Variants in PICALM observed in about 807,000 individuals in gnomAD.
PICALM encodes phosphatidylinositol-binding clathrin assembly protein.
PICALM carries 40 observed loss-of-function variants against 80.5 expected under a neutral mutation model. The observed-to-expected ratio is 0.50, with a 90% CI of 0.39 to 0.65. The LOEUF is 0.65. PICALM is among the 30% of genes least tolerant of loss of function. The pLI, the probability that PICALM is intolerant of heterozygous loss-of-function variation, is 0.00. For synonymous variants in PICALM, 288 were observed against 260.3 expected (o/e 1.11, Z -1.02); for missense variants, 676 against 778.9 (o/e 0.87, Z 1.57).
chr11:86,037,963 G>A (rs1178105450), intron 1 of PICALM, among the ~76,000 whole-genome samples: 4 of 152,194 alleles, frequency 2.6e-5, no homozygotes, highest in African/African-American at 4.8e-5. Flanking sequence ...ATCAAGAGCA[G>A]AAAGGAGAGC....
At chr11:86,037,567 T>TC (rs974178215) in intron 1 of PICALM, among the ~76,000 whole-genome samples, 1 of 151,810 alleles carries the variant, frequency 6.6e-6, no homozygotes, top group African/African-American at 2.4e-5. Context: ...TCCCTAGTTT[T>TC]TTTTTTTTTA....
At chr11:85,995,446 T>TA (rs1337829770) in intron 12 of PICALM, among the ~76,000 whole-genome samples, 2 of 152,208 alleles carry the variant, frequency 1.3e-5, no homozygotes, top group Admixed American at 6.5e-5. Context: ...TCCACAGTAA[T>TA]AGTCTATCTG....
chr11:86,024,518 C>A (rs1351874258), intron 3 of PICALM, among the ~76,000 whole-genome samples: 4 of 150,254 alleles, frequency 2.7e-5, no homozygotes, highest in African/African-American at 7.3e-5. Flanking sequence ...ACCAGAACAA[C>A]TGAAACAGTC....
chr11:86,031,338 T>G, intron 2 of PICALM, 131 bp downstream of exon 2: 1 of 652,150 alleles, frequency 1.5e-6, no homozygotes, highest in Non-Finnish European at 2.5e-6. Flanking sequence ...AATTACAGGG[T>G]CTATAATTAT....
At chr11:86,066,805 G>A (rs2096454613) in intron 1 of PICALM, among the ~76,000 whole-genome samples, 1 of 151,102 alleles carries the variant, frequency 6.6e-6, no homozygotes, top group Non-Finnish European at 1.5e-5. Context: ...CACAGTGTCA[G>A]GACAAACTGT....
chr11:85,976,288 T>C (rs2094280966), intron 18 of PICALM, among the ~76,000 whole-genome samples: 1 of 152,220 alleles, frequency 6.6e-6, no homozygotes, highest in South Asian at 2.1e-4. Context: ...TCCCATGCCC[T>C]ACAATATCAG....
At chr11:85,993,396 A>C (rs1012743824) in intron 12 of PICALM, among the ~76,000 whole-genome samples, 2 of 151,880 alleles carry the variant, frequency 1.3e-5, no homozygotes, top group Admixed American at 6.5e-5. Flanking sequence ...TAAAATTTTT[A>C]AATATAGTTT....
rs184756078 is a variant in PICALM, at chr11:85,990,297, T to C, written c.1361A>G (p.Asp454Gly). 457 of 1,607,128 alleles carry C rather than the reference T, an allele frequency of 2.8e-4. 2 individuals are homozygous for C. Among genetic ancestry groups the C allele is most frequent in the Non-Finnish European group, 1.7e-4 (204 of 1,174,282 alleles). The change falls in exon 13 of 20, where the codon GAT (aspartate) becomes GGT (glycine). Residue 454 changes from aspartate (D) to glycine (G), a missense_variant. Around this residue, in one of 2 missense-constraint regions of PICALM, gnomAD observed 391 missense variants for 383.6 expected, o/e 1.02. Coordinates refer to ENST00000393346, the MANE Select transcript of PICALM (RefSeq NM_007166.4). Reference sequence around the variant, plus strand: ...TGTCCTAGTAGTAAAAGTAGATACATCTGAAGAAATGGAAAGGTGAACATC... The same window carrying C: ...TGTCCTAGTAGTAAAAGTAGATACACCTGAAGAAATGGAAAGGTGAACATC... ...SGDVHLSISS[D>G]VSTFTTRTPT...
chr11:85,984,433 G>A (rs1488503210), intron 13 of PICALM, among the ~76,000 whole-genome samples: 2 of 152,004 alleles, frequency 1.3e-5, no homozygotes, highest in African/African-American at 4.8e-5. Flanking sequence ...CCCATTTTCC[G>A]TATTTCTCTC....
At chr11:86,046,937 C>T (rs762602186) in intron 1 of PICALM, among the ~76,000 whole-genome samples, 2 of 152,186 alleles carry the variant, frequency 1.3e-5, no homozygotes, top group Non-Finnish European at 2.9e-5. Flanking sequence ...CGTGCTTGGC[C>T]AAGATTTCTT....
intron 12 of PICALM, among the ~76,000 whole-genome samples, chr11:85,996,468 A>G (rs1165985259): frequency 6.6e-6 from 1 of 152,078 alleles, no homozygotes; most frequent in Non-Finnish European, 1.5e-5. Context: ...TATTCCCCAA[A>G]AGTTAAAAAA....
At chr11:86,006,347 G>A (rs192639464) in intron 8 of PICALM, among the ~76,000 whole-genome samples, 15 of 152,198 alleles carry the variant, frequency 9.9e-5, no homozygotes, top group South Asian at 2.1e-4. Flanking sequence ...TTAACAAGGC[G>A]TTTAAAAGAT....
chr11:85,982,209 GA>G, intron 14 of PICALM: 1 of 517,308 alleles, frequency 1.9e-6, no homozygotes, highest in Non-Finnish European at 3.5e-6. Flanking sequence ...TGCTTTGACA[GA>G]AATCATCTCT....
intron 1 of PICALM, among the ~76,000 whole-genome samples, chr11:86,060,617 C>A (rs1479301626): frequency 6.6e-6 from 1 of 151,884 alleles, no homozygotes; most frequent in East Asian, 1.9e-4. Context: ...GTCTTGAGGA[C>A]CCCCAAAAGT....
intron 8 of PICALM, 100 bp from the exon 9 acceptor site, chr11:86,003,551 T>A: frequency 3.4e-6 from 2 of 594,576 alleles, no homozygotes; most frequent in Non-Finnish European, 5.7e-6. Flanking sequence ...TAAACAGGTA[T>A]GTTCTTCATG....
At chr11:85,961,478 A>G (rs978865389) in intron 19 of PICALM, among the ~76,000 whole-genome samples, 1 of 152,194 alleles carries the variant, frequency 6.6e-6, no homozygotes, top group Non-Finnish European at 1.5e-5. Context: ...AATCTGTCCT[A>G]TTGTTTAATT....
At chr11:85,989,651 A>G (rs1465135853) in intron 13 of PICALM, among the ~76,000 whole-genome samples, 1 of 152,172 alleles carries the variant, frequency 6.6e-6, no homozygotes, top group East Asian at 1.9e-4. Flanking sequence ...TAATTACAGG[A>G]TATCCAAGTC....
At chr11:86,016,161 T>G (rs886355515) in intron 4 of PICALM, among the ~76,000 whole-genome samples, 1 of 152,212 alleles carries the variant, frequency 6.6e-6, no homozygotes, top group South Asian at 2.1e-4. Context: ...TACTTCTCCA[T>G]CACAGAAGAT....
intron 12 of PICALM, among the ~76,000 whole-genome samples, chr11:85,992,763 G>A (rs2094827195): frequency 1.3e-5 from 2 of 152,236 alleles, no homozygotes; most frequent in African/African-American, 4.8e-5. Context: ...GAAAACACAT[G>A]TTCAGGAAAG....
Sources: allele counts gnomAD v4.1 joint callset (sites outside exome capture counted in the v4.1 genomes callset), GRCh38; gene constraint gnomAD v4.1.1; regional missense constraint gnomAD v4.1.1; transcripts MANE v1.5; gene names NCBI Gene and HGNC (gene_info 2026-07-23, HGNC 2026-07-21).